Variants in RAB3B observed in about 807,000 individuals in gnomAD.
RAB3B encodes ras-related protein Rab-3B.
In RAB3B, 11 loss-of-function variants were observed where a neutral mutation model predicts 20.5. The ratio of observed to expected loss-of-function variants is 0.54; its 90% confidence interval spans 0.34 to 0.89. RAB3B has a LOEUF of 0.89. Among genes scored for constraint, RAB3B ranks in the 40% least tolerant of loss-of-function variants. The probability of loss-of-function intolerance (pLI) is 0.02; values close to 1 mark genes in which losing one functional copy is unlikely to be tolerated. For synonymous variants in RAB3B, 99 were observed against 106.3 expected, an observed-to-expected ratio of 0.93 and a Z score of 0.42; for missense variants, 225 against 280.9, an observed-to-expected ratio of 0.80 and a Z score of 1.42.
chr1:51,967,754 G>A (rs963283530), intron 2 of RAB3B, among the ~76,000 whole-genome samples: 1 of 151,622 alleles, frequency 6.6e-6, no homozygotes, highest in Non-Finnish European at 1.5e-5. Context: ...GAGCTCAAGT[G>A]ATCCTCCTGC....
chr1:51,944,388 C>G (rs1178538181), intron 2 of RAB3B, among the ~76,000 whole-genome samples: 2 of 152,192 alleles, frequency 1.3e-5, no homozygotes, highest in African/African-American at 4.8e-5. Context: ...TGTCTTCATG[C>G]CTGCTAACAC....
At chr1:51,931,666 G>A (rs1481959572) in intron 4 of RAB3B, among the ~76,000 whole-genome samples, 2 of 152,046 alleles carry the variant, frequency 1.3e-5, no homozygotes, top group Non-Finnish European at 2.9e-5. Context: ...ACAAGTAAAT[G>A]AGTGCATCCA....
chr1:51,964,598 T>G (rs1343958118), intron 2 of RAB3B, among the ~76,000 whole-genome samples: 14 of 151,956 alleles, frequency 9.2e-5, no homozygotes, highest in Admixed American at 6.6e-5. Context: ...AATCCCCAAC[T>G]CTCTCTCTCT....
chr1:51,920,538 C>T (rs779955798), intron 4 of RAB3B, among the ~76,000 whole-genome samples: 7 of 152,200 alleles, frequency 4.6e-5, no homozygotes, highest in African/African-American at 7.2e-5. Context: ...CGTGTGTCCA[C>T]AGCACCTTAC....
rs562990407 is a variant in RAB3B at position 51,921,521 on chromosome 1, AT to A, written c.473-1408del. Among the ~76,000 whole-genome samples, 32 of 149,938 alleles carry A rather than the reference AT, an allele frequency of 2.1e-4. 1 individual carries two copies. The highest frequency in any genetic ancestry group is 1.0e-3 in the Admixed American group (15 of 15,028). On this transcript the variant is annotated intron_variant, in intron 4 of 4. Coordinates refer to ENST00000371655, the MANE Select transcript of RAB3B (RefSeq NM_002867.4). ...TTCCCCCTTTTCTCTTTCACTTTGC[AT>A]TTTTTTTTCCTGATTATACCTTTTT...
At chr1:51,989,562 C>T (rs1192294366) in intron 1 of RAB3B, among the ~76,000 whole-genome samples, 1 of 151,768 alleles carries the variant, frequency 6.6e-6, no homozygotes, top group African/African-American at 2.4e-5. Flanking sequence ...CAGGCTGACC[C>T]AGCGCCCCAC....
At chr1:51,982,285 T>C (rs779900875) in intron 1 of RAB3B, among the ~76,000 whole-genome samples, 4 of 152,174 alleles carry the variant, frequency 2.6e-5, no homozygotes, top group Non-Finnish European at 4.4e-5. Context: ...CAGTGGCTCA[T>C]ACCTATAATC....
At position 51,982,328 on chromosome 1, in the gene RAB3B, G is replaced by T. The variant is rs749118453; in HGVS notation, c.1-5211C>A. On this transcript the variant is annotated intron_variant, in intron 1 of 4. Transcript: ENST00000371655. ...TTTGGGAGGCCAAGGTGGGAGGATC[G>T]CTCAAGCCAAGGAGTTTGAGGCTGC... is the stretch of plus-strand genomic sequence containing the variant. Among the ~76,000 whole-genome samples, 7 of 152,182 alleles carry T rather than the reference G, an allele frequency of 4.6e-5. No homozygotes were observed. In the South Asian group the frequency reaches 6.2e-4, roughly 14 times the overall value.
At chr1:51,936,818 CTTTT>C (rs113857417) in intron 3 of RAB3B, among the ~76,000 whole-genome samples, 1 of 144,806 alleles carries the variant, frequency 6.9e-6, no homozygotes, top group African/African-American at 2.5e-5. Flanking sequence ...TCTTTTCTTT[CTTTT>C]TTTTTTTTTA....
chr1:51,939,913 C>A (rs572485772), intron 2 of RAB3B, among the ~76,000 whole-genome samples: 1 of 152,284 alleles, frequency 6.6e-6, no homozygotes, highest in African/African-American at 2.4e-5. Context: ...AATGCAGGTA[C>A]CACCACAACT....
chr1:51,944,825 G>A (rs755996883), intron 2 of RAB3B, among the ~76,000 whole-genome samples: 4 of 152,170 alleles, frequency 2.6e-5, no homozygotes, highest in Non-Finnish European at 5.9e-5. Flanking sequence ...GAACATCCTT[G>A]AAATGACAAC....
At chr1:51,984,080 T>G (rs112245716) in intron 1 of RAB3B, among the ~76,000 whole-genome samples, 1 of 151,352 alleles carries the variant, frequency 6.6e-6, no homozygotes, top group Non-Finnish European at 1.5e-5. Context: ...CTGGCCAACA[T>G]GGTGAAACCC....
intron 2 of RAB3B, among the ~76,000 whole-genome samples, chr1:51,939,508 G>A (rs1315972271): frequency 1.3e-5 from 2 of 151,862 alleles, no homozygotes; most frequent in Non-Finnish European, 2.9e-5. Flanking sequence ...CTGCAGCCTT[G>A]AACTCCTAGG....
In RAB3B at chr1:51,921,521, A is replaced by AT. The variant is rs562990407; in HGVS notation, c.473-1408dup. On this transcript the variant is annotated intron_variant, in intron 4 of 4. Transcript: ENST00000371655. ...TTCCCCCTTTTCTCTTTCACTTTGCATTTTTTTTTCCTGATTATACCTTTT... is the reference window on the plus strand; with the variant it reads ...TTCCCCCTTTTCTCTTTCACTTTGCATTTTTTTTTTCCTGATTATACCTTTT... Among the ~76,000 whole-genome samples the AT allele has an allele frequency of 2.0e-3, 299 of 149,936 alleles. 6 individuals carry two copies. In the South Asian group the frequency reaches 0.05, roughly 25 times the overall value.
chr1:51,929,923 A>G (rs1232280659), intron 4 of RAB3B, among the ~76,000 whole-genome samples: 1 of 152,236 alleles, frequency 6.6e-6, no homozygotes, highest in African/African-American at 2.4e-5. Context: ...TTCACTGAAT[A>G]AGTAAAATGT....
In RAB3B at chr1:51,912,542, T is replaced by TAAAAAAAAAAAAAAAA. The variant is rs61590258; in HGVS notation, c.*7384_*7385insTTTTTTTTTTTTTTTT. 1 of 6,388 alleles carries TAAAAAAAAAAAAAAAA rather than the reference T, an allele frequency of 1.6e-4. No individual in the cohort carries two copies. Among genetic ancestry groups the TAAAAAAAAAAAAAAAA allele is most frequent in the African/African-American group, 8.0e-4 (1 of 1,256 alleles). 0.4% of individuals were successfully genotyped at this position (6,388 alleles called of 1,614,324 possible). A position where few individuals can be genotyped will look rare whatever the true frequency, so the allele number is the denominator to read the frequency against. On this transcript the variant is annotated 3_prime_UTR_variant, in exon 5 of 5. Coordinates refer to ENST00000371655, the MANE Select transcript of RAB3B (RefSeq NM_002867.4). ...GGCAACATAGCAAGACCGTCTCTAT[T>TAAAAAAAAAAAAAAAA]AAAAAAAAAAAAATATATATATATA...
At chr1:51,976,017 T>G (rs1685004492) in intron 2 of RAB3B, among the ~76,000 whole-genome samples, 1 of 149,848 alleles carries the variant, frequency 6.7e-6, no homozygotes. Context: ...ATCCTCCAGC[T>G]CCAGTGTATG....
At chr1:51,958,900 C>G (rs944457241) in intron 2 of RAB3B, among the ~76,000 whole-genome samples, 10 of 152,156 alleles carry the variant, frequency 6.6e-5, no homozygotes, top group African/African-American at 2.2e-4. Context: ...AAGAGATAGC[C>G]TCAACTTTGA....
chr1:51,944,779 T>C (rs1684542445), intron 2 of RAB3B, among the ~76,000 whole-genome samples: 1 of 152,156 alleles, frequency 6.6e-6, no homozygotes, highest in Non-Finnish European at 1.5e-5. Context: ...AGAAAATGGT[T>C]TCTTGAGATG....
Sources: allele counts gnomAD v4.1 joint callset (sites outside exome capture counted in the v4.1 genomes callset), GRCh38; gene constraint gnomAD v4.1.1; transcripts MANE v1.5; gene names NCBI Gene and HGNC (gene_info 2026-07-23, HGNC 2026-07-21).